Variants in BID observed in about 807,000 individuals in gnomAD.
BID encodes the protein BH3-interacting domain death agonist.
In BID, 19 loss-of-function variants were observed where a neutral mutation model predicts 17.4. The observed-to-expected ratio is 1.09, with a 90% CI of 0.76 to 1.60. The LOEUF is 1.60. Ranked by LOEUF, BID falls within the 40% of genes most tolerant of loss-of-function variation. The probability of loss-of-function intolerance (pLI) is 0.00; values close to 1 mark genes in which losing one functional copy is unlikely to be tolerated. For missense variants in BID, 226 were observed against 256.0 expected (o/e 0.88, Z 0.80); for synonymous variants, 108 against 102.8 (o/e 1.05, Z -0.31).
chr22:17,768,974 G>A lies in BID; in HGVS notation c.-59+5407C>T, dbSNP rs964948924. ...GGAGAATGGCGTGAACCTGGGAGGC[G>A]GAGCTTGCAGGGAGCAGAGATCGTG... On this transcript the variant is annotated intron_variant, in intron 1 of 5. Transcript: ENST00000622694. Among the ~76,000 whole-genome samples, 10 of 148,272 alleles carry A rather than the reference G, an allele frequency of 6.7e-5. No homozygotes were observed. In the East Asian group the frequency reaches 7.9e-4, roughly 12 times the overall value.
At chr22:17,759,631 G>A (rs999681042) in intron 1 of BID, among the ~76,000 whole-genome samples, 3 of 152,142 alleles carry the variant, frequency 2.0e-5, no homozygotes, top group African/African-American at 7.2e-5. Flanking sequence ...TGCAGTGGGA[G>A]GACTGCTTGA....
intron 1 of BID, among the ~76,000 whole-genome samples, chr22:17,757,124 C>T (rs1184132014): frequency 6.6e-6 from 1 of 152,096 alleles, no homozygotes; most frequent in African/African-American, 2.4e-5. Flanking sequence ...TAAGAAACCA[C>T]CAGGCTTCGG....
chr22:17,743,679 C>T lies in BID; in HGVS notation c.223+124G>A, dbSNP rs372965503. On this transcript the variant is annotated intron_variant, in intron 3 of 5. Transcript: ENST00000622694. The stretch of plus-strand genomic sequence containing the variant: ...CAAGTGATTAAGTGATACCAGCGTA[C>T]GTGGCAGCTGAAACTGCAGAGGCAG... 1.5e-4 allele frequency: 142 copies of T among 960,506 alleles called. 2 individuals carry two copies. The South Asian group carries it at 2.1e-3, about 14-fold the overall frequency. 59.5% of individuals were successfully genotyped at this position (960,506 alleles called of 1,614,324 possible).
At chr22:17,738,630 G>C (rs1207481082) in intron 4 of BID, among the ~76,000 whole-genome samples, 1 of 152,142 alleles carries the variant, frequency 6.6e-6, no homozygotes, top group Non-Finnish European at 1.5e-5. Flanking sequence ...AGACTACAAG[G>C]CTGGCAAGGA....
At position 17,739,363 on chromosome 22, in the gene BID, T is replaced by C; in HGVS notation, c.349A>G (p.Ser117Gly). The C allele has an allele frequency of 6.3e-7, 1 of 1,598,022 alleles. No homozygotes were observed. The highest frequency in any genetic ancestry group is 1.1e-5 in the South Asian group (1 of 90,308). ...CCCTCACTCACCTCCTCCGACCGGCTGGTGTTCCTGAGCTGCAGGGCCAGG... is the reference window on the plus strand; with the variant it reads ...CCCTCACTCACCTCCTCCGACCGGCCGGTGTTCCTGAGCTGCAGGGCCAGG... The part of the protein sequence containing the change: ...NGLALQLRNT[S>G]RSEEDRNRDL... The change falls in exon 4 of 6, where the codon AGC becomes GGC. Residue 117 changes from serine to glycine, a missense_variant. Physicochemically the swap from Ser to Gly is moderately conservative, Grantham distance 56. Transcript: ENST00000622694.
chr22:17,735,318 C>T lies in BID; in HGVS notation c.*262G>A. Reference sequence around the variant, plus strand: ...AATAAAGGCACCGTGTGTAGATTTACAGATGTGCAGATTCATGTGTGGATG... The same window carrying T: ...AATAAAGGCACCGTGTGTAGATTTATAGATGTGCAGATTCATGTGTGGATG... On this transcript the variant is annotated 3_prime_UTR_variant, in exon 6 of 6. Transcript: ENST00000622694. The T allele has an allele frequency of 2.2e-6, 1 of 463,242 alleles. No homozygotes were observed. Among genetic ancestry groups the T allele is most frequent in the East Asian group, 3.6e-5 (1 of 27,584 alleles). 28.7% of individuals were successfully genotyped at this position (463,242 alleles called of 1,614,324 possible).
In BID at chr22:17,769,337, G is replaced by C. The variant is rs3788284; in HGVS notation, c.-59+5044C>G. ...AGCTGGGCTCCCTGCTCAGTTGGCCGGGTTTGGGGCTGGATGTCTGCAGGG... is the reference window on the plus strand; with the variant it reads ...AGCTGGGCTCCCTGCTCAGTTGGCCCGGTTTGGGGCTGGATGTCTGCAGGG... On this transcript the variant is annotated intron_variant, in intron 1 of 5. Coordinates refer to ENST00000622694, the MANE Select transcript of BID (RefSeq NM_001196.4). This position sits in a 1 kb window ranked among gnomAD's most constrained non-coding sequence, Gnocchi z 4.8. Among the ~76,000 whole-genome samples the C allele has an allele frequency of 0.45, 68,299 of 152,198 alleles. 15,792 individuals are homozygous for C. The highest frequency in any genetic ancestry group is 0.75 in the East Asian group (3,850 of 5,160).
chr22:17,741,234 AG>A (rs2061456793), intron 3 of BID: 1 of 152,238 alleles, frequency 6.6e-6, no homozygotes, highest in Admixed American at 6.5e-5. Flanking sequence ...AGAGCAGGGC[AG>A]GGTTGGGAGA....
rs5844325 is a variant in BID, at chr22:17,752,671, AT to A, written c.-58-2498del. Among the ~76,000 whole-genome samples, 582 of 149,312 alleles carry A rather than the reference AT, an allele frequency of 3.9e-3. 2 individuals carry two copies. The highest frequency in any genetic ancestry group is 0.013 in the African/African-American group (517 of 40,742). ...GCTGTGATGAGTACCCCAATGGGAC[AT>A]TTTTTTTTTTTGAGACGGAGTCTCA... On this transcript the variant is annotated intron_variant, in intron 1 of 5. Transcript: ENST00000622694.
intron 2 of BID, among the ~76,000 whole-genome samples, chr22:17,747,343 CAG>C (rs1478609896): frequency 6.6e-6 from 1 of 152,172 alleles, no homozygotes; most frequent in Non-Finnish European, 1.5e-5. Context: ...TTTTTGGAGA[CAG>C]AGTCTCATTC....
chr22:17,753,141 T>A (rs2061553861), intron 1 of BID, among the ~76,000 whole-genome samples: 1 of 150,146 alleles, frequency 6.7e-6, no homozygotes, highest in African/African-American at 2.5e-5. Flanking sequence ...TAATTTTTTG[T>A]ATTTTTAGTA....
At chr22:17,767,594 T>A (rs78172981) in intron 1 of BID, among the ~76,000 whole-genome samples, 5 of 152,124 alleles carry the variant, frequency 3.3e-5, no homozygotes, top group African/African-American at 1.2e-4. Context: ...ATCCAGATTC[T>A]CCGTATCTGA....
At chr22:17,746,867 C>T (rs780038831) in intron 2 of BID, among the ~76,000 whole-genome samples, 6 of 152,208 alleles carry the variant, frequency 3.9e-5, no homozygotes, top group African/African-American at 1.4e-4. Context: ...GGAGGGGATC[C>T]GCATCTGTTG....
intron 1 of BID, among the ~76,000 whole-genome samples, chr22:17,765,064 G>C (rs576115131): frequency 6.6e-6 from 1 of 152,290 alleles, no homozygotes; most frequent in Non-Finnish European, 1.5e-5. Context: ...GGTGGGGGTA[G>C]AGAATTTGCC....
intron 1 of BID, among the ~76,000 whole-genome samples, chr22:17,767,333 C>T (rs927066519): frequency 1.3e-5 from 2 of 152,102 alleles, no homozygotes; most frequent in Admixed American, 1.3e-4. Context: ...ACGAACCAAT[C>T]AGAATAGAGT....
chr22:17,755,077 CTTTTCTTTTTTTTTTTTTTT>C (rs924530407), intron 1 of BID, among the ~76,000 whole-genome samples: 1 of 126,856 alleles, frequency 7.9e-6, no homozygotes, highest in Admixed American at 9.1e-5. Flanking sequence ...TTCTTTTTTT[CTTTTCTTTTTTTTTTTTTTT>C]TTTTTGAGTC....
At chr22:17,754,955 G>A (rs1324573749) in intron 1 of BID, among the ~76,000 whole-genome samples, 1 of 151,966 alleles carries the variant, frequency 6.6e-6, no homozygotes, top group Non-Finnish European at 1.5e-5. Flanking sequence ...AGTAGAGACG[G>A]ACTTTCACTA....
intron 1 of BID, among the ~76,000 whole-genome samples, chr22:17,759,256 A>AAAC (rs1032571023): frequency 2.0e-5 from 3 of 149,506 alleles, no homozygotes; most frequent in African/African-American, 7.4e-5. Flanking sequence ...CAAAAAAAAA[A>AAAC]AAACAAAAGA....
intron 1 of BID, among the ~76,000 whole-genome samples, chr22:17,770,104 C>A (rs576106209): frequency 6.6e-6 from 1 of 152,254 alleles, no homozygotes; most frequent in South Asian, 2.1e-4. Context: ...GGTTGCCACT[C>A]CTGTCCTGTT....
Sources: gnomAD v4.1 joint callset for allele counts (sites outside exome capture counted in the v4.1 genomes callset) on GRCh38, gnomAD v4.1.1 for gene constraint, Gnocchi (gnomAD v3.1) non-coding constraint, MANE v1.5 for transcripts, NCBI Gene and HGNC (gene_info 2026-07-23, HGNC 2026-07-21) for gene names.